The following FAAH2 variants were observed in gnomAD, a reference collection of about 807,000 sequenced individuals.
FAAH2 encodes fatty-acid amide hydrolase 2.
In FAAH2, 60 loss-of-function variants were observed where a neutral mutation model predicts 36.9. That is an observed-to-expected ratio of 1.63 (90% confidence interval 1.32 to 2.02). The LOEUF is 2.02. Ranked by LOEUF, FAAH2 falls within the 30% of genes most tolerant of loss-of-function variation. FAAH2 has a pLI of 0.00. For missense variants in FAAH2, 689 were observed against 397.5 expected, an observed-to-expected ratio of 1.73 and a Z score of -6.23; for synonymous variants, 214 against 143.8, an observed-to-expected ratio of 1.49 and a Z score of -3.49.
chrX:57,153,743 G>T, the FAAH2 span, among the ~76,000 whole-genome samples: 1 of 112,381 alleles, frequency 8.9e-6, no homozygotes, highest in Non-Finnish European at 1.9e-5. Context: ...CTGTTAATCT[G>T]TTTTCCTTTA....
At chrX:57,453,344 C>T (rs994392952) in intron 10 of FAAH2, among the ~76,000 whole-genome samples, 1 of 112,611 alleles carries the variant, frequency 8.9e-6, no homozygotes, top group Non-Finnish European at 1.9e-5. Context: ...GAAAATGAGA[C>T]CCACAAACAA....
At chrX:57,414,565 C>A (rs750760761) in intron 7 of FAAH2, among the ~76,000 whole-genome samples, 1 of 111,646 alleles carries the variant, frequency 9.0e-6, no homozygotes, top group Non-Finnish European at 1.9e-5. Flanking sequence ...AGGGATGAAG[C>A]TGACTTGATT....
At chrX:57,211,758 G>A in the FAAH2 span, among the ~76,000 whole-genome samples, 1 of 111,663 alleles carries the variant, frequency 9.0e-6, no homozygotes, top group African/African-American at 3.3e-5. Context: ...GCTCACCCAT[G>A]CAGGACATTA....
At chrX:57,277,440 A>G in the FAAH2 span, among the ~76,000 whole-genome samples, 1 of 111,883 alleles carries the variant, frequency 8.9e-6, no homozygotes, top group East Asian at 2.8e-4. Context: ...AATAGGATCT[A>G]TTTATGACAA....
chrX:57,437,600 A>G lies in FAAH2; in HGVS notation c.1116+5563A>G, dbSNP rs752309715. On this transcript the variant is annotated intron_variant, in intron 8 of 10. Coordinates refer to ENST00000374900, the MANE Select transcript of FAAH2 (RefSeq NM_174912.4). ...TTACACCAATAAAAGTGTAGCTGAG[A>G]ATAAAATCAACAATGCAATTCCATT... Among the ~76,000 whole-genome samples the G allele has an allele frequency of 1.2e-4, 13 of 108,060 alleles. 1 individual carries two copies. In the South Asian group the frequency reaches 1.9e-3, roughly 16 times the overall value. The allele number at this position is 108,060 out of a possible 115,157, so 93.8% of individuals were successfully genotyped here.
At chrX:57,327,935 GT>G (rs201002433) in intron 3 of FAAH2, among the ~76,000 whole-genome samples, 5,284 of 111,119 alleles carry the variant, frequency 0.048, 138 homozygotes, top group Non-Finnish European at 0.068. Flanking sequence ...AGAGTTTCTG[GT>G]TTTTTTGCTC....
Position 57,286,846 on chromosome X carries a change from C to G in FAAH2, c.21C>G (p.Ala7=), listed in dbSNP as rs764113600. 6 of 1,184,772 alleles carry G rather than the reference C, an allele frequency of 5.1e-6. No individual in the cohort carries two copies. In the Admixed American group the frequency reaches 1.4e-4, roughly 27 times the overall value. MAPSFT[A]RIQLFLLRAL... ...CTGCGATGGCACCTTCATTTACCGC[C>G]CGCATTCAGTTGTTCCTCTTGCGGG... Residue 7 remains alanine, a synonymous_variant, in exon 1 of 11, where the codon GCC becomes GCG. Coordinates refer to ENST00000374900, the MANE Select transcript of FAAH2 (RefSeq NM_174912.4).
At chrX:57,487,447 A>T (rs899879018) in intron 10 of FAAH2, among the ~76,000 whole-genome samples, 3 of 111,986 alleles carry the variant, frequency 2.7e-5, no homozygotes, top group Non-Finnish European at 5.6e-5. Flanking sequence ...ACGATAACCC[A>T]ACTTAAAATG....
the FAAH2 span, chrX:57,135,855 T>C: frequency 8.3e-7 from 1 of 1,210,543 alleles, no homozygotes; most frequent in Non-Finnish European, 1.1e-6. Context: ...GACATAGATA[T>C]GGAAATCATC....
At chrX:57,204,527 G>C in the FAAH2 span, among the ~76,000 whole-genome samples, 1 of 112,010 alleles carries the variant, frequency 8.9e-6, no homozygotes, top group East Asian at 2.8e-4. Flanking sequence ...TCATGATAAA[G>C]TTTCAGGTGG....
At chrX:57,313,238 G>A (rs758134389) in intron 3 of FAAH2, among the ~76,000 whole-genome samples, 57 of 110,287 alleles carry the variant, frequency 5.2e-4, no homozygotes, top group Non-Finnish European at 9.5e-4. Context: ...AAGAAATGTG[G>A]AATGATATAA....
intron 5 of FAAH2, among the ~76,000 whole-genome samples, chrX:57,363,793 A>G (rs1298292762): frequency 3.6e-5 from 4 of 111,331 alleles, no homozygotes; most frequent in African/African-American, 1.3e-4. Context: ...GAATTTTATC[A>G]AAAGCCTTTT....
the FAAH2 span, among the ~76,000 whole-genome samples, chrX:57,267,203 G>A: frequency 8.9e-6 from 1 of 112,469 alleles, no homozygotes; most frequent in Admixed American, 9.4e-5. Flanking sequence ...AAATCCCCAA[G>A]TCGTTTTTCT....
chrX:57,229,010 C>T, the FAAH2 span: 1 of 111,777 alleles, frequency 8.9e-6, no homozygotes, highest in Non-Finnish European at 1.9e-5. Context: ...ACTTCTCCTC[C>T]TTTGTTCCCC....
chrX:57,315,664 T>C (rs2052817059), intron 3 of FAAH2, among the ~76,000 whole-genome samples: 1 of 111,979 alleles, frequency 8.9e-6, no homozygotes, highest in African/African-American at 3.2e-5. Context: ...AACCATGTGA[T>C]CATCTCAATA....
At chrX:57,264,672 C>T in the FAAH2 span, among the ~76,000 whole-genome samples, 2,743 of 112,543 alleles carry the variant, frequency 0.024, 95 homozygotes, top group African/African-American at 0.084. Flanking sequence ...CTCAGCCATC[C>T]CATTACTGGG....
At chrX:57,256,207 A>T in the FAAH2 span, among the ~76,000 whole-genome samples, 1 of 111,675 alleles carries the variant, frequency 9.0e-6, no homozygotes, top group Non-Finnish European at 1.9e-5. Context: ...TAGGAATCCA[A>T]CTTACAAGGG....
chrX:57,300,828 G>A (rs2052336248), intron 2 of FAAH2, among the ~76,000 whole-genome samples: 1 of 112,136 alleles, frequency 8.9e-6, no homozygotes, highest in African/African-American at 3.2e-5. Flanking sequence ...CTCAAAAGAA[G>A]ACATTTATGC....
chrX:57,266,405 C>T, the FAAH2 span, among the ~76,000 whole-genome samples: 1 of 112,130 alleles, frequency 8.9e-6, no homozygotes, highest in Non-Finnish European at 1.9e-5. Context: ...AGTGCCCATT[C>T]CCATATCTCC....
Sources: gnomAD v4.1 joint callset for allele counts (sites outside exome capture counted in the v4.1 genomes callset) on GRCh38, gnomAD v4.1.1 for gene constraint, MANE v1.5 for transcripts, NCBI Gene and HGNC (gene_info 2026-07-23, HGNC 2026-07-21) for gene names.